IL15: variants seen among roughly 807,000 people sequenced by gnomAD.
IL15 encodes interleukin-15.
A neutral mutation model predicts 19.6 loss-of-function variants in IL15; 11 were observed. The ratio of observed to expected loss-of-function variants is 0.56; its 90% CI spans 0.35 to 0.93. The LOEUF (loss-of-function observed/expected upper bound fraction) is 0.93. Ranked by LOEUF, IL15 falls within the 40% of genes least tolerant of loss-of-function variation. IL15 has a pLI of 0.01. For synonymous variants in IL15, 58 were observed against 59.6 expected, an observed-to-expected ratio of 0.97 and a Z score of 0.12; for missense variants, 197 against 186.5, an observed-to-expected ratio of 1.06 and a Z score of -0.33.
At chr4:141,696,127 T>C (rs1729084344) in intron 2 of IL15, among the ~76,000 whole-genome samples, 1 of 152,118 alleles carries the variant, frequency 6.6e-6, no homozygotes, top group Non-Finnish European at 1.5e-5. Context: ...GACTTTTGCA[T>C]ATAGTCTAGT....
intron 2 of IL15, among the ~76,000 whole-genome samples, chr4:141,700,608 G>A (rs1034665372): frequency 4.6e-5 from 7 of 152,048 alleles, no homozygotes; most frequent in Non-Finnish European, 1.0e-4. Context: ...CCTTAGTGAT[G>A]GTCTTTGTGC....
Position 141,654,234 on chromosome 4 carries a change from G to A in IL15, c.-221-1952G>A, listed in dbSNP as rs1028707928. Among the ~76,000 whole-genome samples, 3 of 152,306 alleles carry A rather than the reference G, an allele frequency of 2.0e-5. 1 individual carries two copies. The highest frequency in any genetic ancestry group is 4.8e-5 in the African/African-American group (2 of 41,570). The stretch of plus-strand genomic sequence containing the variant: ...CCAACAGGGAGCCCTCTAGAGGCAG[G>A]ATGGCCCTTTGGGGATGTTACAGCT... On this transcript the variant is annotated intron_variant, in intron 1 of 7. Coordinates refer to ENST00000320650, the MANE Select transcript of IL15 (RefSeq NM_000585.5).
chr4:141,645,483 A>C (rs970336055), intron 1 of IL15, among the ~76,000 whole-genome samples: 1 of 152,080 alleles, frequency 6.6e-6, no homozygotes, highest in African/African-American at 2.4e-5. Context: ...AATAGGTGTT[A>C]TTTTCCAATC....
At chr4:141,705,620 G>A (rs544540382) in intron 2 of IL15, among the ~76,000 whole-genome samples, 4 of 151,922 alleles carry the variant, frequency 2.6e-5, no homozygotes, top group Non-Finnish European at 4.4e-5. Context: ...TAAGTCCAAT[G>A]TTTCTTTGTT....
chr4:141,694,529 G>A (rs565083992), intron 2 of IL15, among the ~76,000 whole-genome samples: 2 of 152,236 alleles, frequency 1.3e-5, no homozygotes, highest in East Asian at 3.9e-4. Flanking sequence ...TGGTTGCAAG[G>A]GAGGTGGTAC....
intron 2 of IL15, among the ~76,000 whole-genome samples, chr4:141,658,368 C>A (rs552502203): frequency 1.3e-5 from 2 of 151,908 alleles, no homozygotes; most frequent in African/African-American, 4.8e-5. Context: ...TATAGCAGTG[C>A]GAGAATGGAC....
At chr4:141,652,305 C>T (rs970640024) in intron 1 of IL15, among the ~76,000 whole-genome samples, 1 of 152,032 alleles carries the variant, frequency 6.6e-6, no homozygotes, top group African/African-American at 2.4e-5. Flanking sequence ...ATTTGTACAG[C>T]CCAAGTGGAG....
intron 3 of IL15, among the ~76,000 whole-genome samples, chr4:141,719,876 G>A (rs1033305275): frequency 2.0e-5 from 3 of 152,164 alleles, no homozygotes; most frequent in African/African-American, 7.2e-5. Flanking sequence ...ACACAAAAGA[G>A]GCAGGTGAAA....
chr4:141,662,905 A>G (rs2152162871), intron 2 of IL15, among the ~76,000 whole-genome samples: 1 of 152,302 alleles, frequency 6.6e-6, no homozygotes, highest in East Asian at 1.9e-4. Context: ...TGAGAATGCC[A>G]CTGATATCTA....
intron 2 of IL15, among the ~76,000 whole-genome samples, chr4:141,681,809 G>A (rs934632241): frequency 1.3e-5 from 2 of 152,000 alleles, no homozygotes; most frequent in African/African-American, 2.4e-5. Flanking sequence ...AAGTCAAGTC[G>A]TTAATTGGCT....
chr4:141,718,319 G>A (rs891256602), intron 2 of IL15: 1 of 151,820 alleles, frequency 6.6e-6, no homozygotes, highest in Non-Finnish European at 1.5e-5. Context: ...ACAACTAAAA[G>A]GGATGTAGGG....
intron 1 of IL15, among the ~76,000 whole-genome samples, chr4:141,650,919 T>C (rs1419598237): frequency 6.6e-6 from 1 of 152,086 alleles, no homozygotes; most frequent in Non-Finnish European, 1.5e-5. Flanking sequence ...TCCAAGTCTC[T>C]AGACCCCAGT....
rs577809988 is a variant in IL15, at chr4:141,722,098, C to T, written c.195+90C>T. 4.4e-6 allele frequency: 6 copies of T among 1,353,900 alleles called. No individual in the cohort carries two copies. In the African/African-American group the frequency reaches 8.8e-5, roughly 20 times the overall value. The allele number at this position is 1,353,900 out of a possible 1,614,324, so 83.9% of individuals were successfully genotyped here. A position where few individuals can be genotyped will look rare whatever the true frequency, so the allele number is the denominator to read the frequency against. On this transcript the variant is annotated intron_variant, in intron 5 of 7. Coordinates refer to ENST00000320650, the MANE Select transcript of IL15 (RefSeq NM_000585.5). ...TTTTCTGTCTGTCTTAAGGAAACCACACTTGAAACAATAATATTTTTGTAG... is the reference window on the plus strand; with the variant it reads ...TTTTCTGTCTGTCTTAAGGAAACCATACTTGAAACAATAATATTTTTGTAG...
At chr4:141,638,739 G>A (rs770096257) in intron 1 of IL15, among the ~76,000 whole-genome samples, 37 of 152,220 alleles carry the variant, frequency 2.4e-4, no homozygotes, top group Non-Finnish European at 2.9e-5. Flanking sequence ...CTCCATCTCA[G>A]ATTTGCTGCC....
intron 2 of IL15, among the ~76,000 whole-genome samples, chr4:141,710,316 C>T (rs574638953): frequency 5.3e-5 from 8 of 152,146 alleles, no homozygotes; most frequent in Non-Finnish European, 1.2e-4. Context: ...TGGACATTCT[C>T]AGAGAGTTTT....
chr4:141,670,932 C>T (rs563084206), intron 2 of IL15, among the ~76,000 whole-genome samples: 16 of 152,184 alleles, frequency 1.1e-4, no homozygotes, highest in African/African-American at 2.6e-4. Context: ...AGAAGAAAGA[C>T]GTTGGAGGGT....
Position 141,652,987 on chromosome 4 carries a change from C to T in IL15, c.-221-3199C>T, listed in dbSNP as rs114889487. The stretch of plus-strand genomic sequence containing the variant: ...AGAAATGTGCATCATTACAAATTCT[C>T]ATCTGGTATTTTGTGCTCAAACAGA... On this transcript the variant is annotated intron_variant, in intron 1 of 7. Coordinates refer to ENST00000320650, the MANE Select transcript of IL15 (RefSeq NM_000585.5). Among the ~76,000 whole-genome samples the T allele has an allele frequency of 1.6e-3, 242 of 152,220 alleles. 2 individuals carry two copies. Among genetic ancestry groups the T allele is most frequent in the African/African-American group, 5.6e-3 (234 of 41,520 alleles).
intron 1 of IL15, among the ~76,000 whole-genome samples, chr4:141,641,746 C>T (rs1238483556): frequency 4.7e-5 from 7 of 150,128 alleles, no homozygotes; most frequent in Non-Finnish European, 7.4e-5. Flanking sequence ...ATGTAAATGA[C>T]GAGTTAATGG....
At chr4:141,714,881 T>C (rs1422159427) in intron 2 of IL15, 1 of 152,162 alleles carries the variant, frequency 6.6e-6, no homozygotes, top group African/African-American at 2.4e-5. Flanking sequence ...CTCTGATGAG[T>C]TGCATATCTA....
Sources: allele counts gnomAD v4.1 joint callset (sites outside exome capture counted in the v4.1 genomes callset), GRCh38; gene constraint gnomAD v4.1.1; transcripts MANE v1.5; gene names NCBI Gene and HGNC (gene_info 2026-07-23, HGNC 2026-07-21).